GAS1: variants seen among roughly 807,000 people sequenced by gnomAD.
The protein encoded by GAS1 is growth arrest-specific protein 1.
Under a neutral mutation model 21.6 loss-of-function variants are expected in GAS1, and 10 were observed. The observed-to-expected ratio is 0.46, with a 90% confidence interval of 0.29 to 0.79. The LOEUF is 0.79. Ranked by LOEUF, GAS1 falls within the 30% of genes least tolerant of loss-of-function variation. The probability of loss-of-function intolerance (pLI) is 0.10; values close to 1 mark genes in which losing one functional copy is unlikely to be tolerated. For missense variants in GAS1, 567 were observed against 544.3 expected (o/e 1.04, Z -0.42); for synonymous variants, 332 against 264.0 (o/e 1.26, Z -2.50).
In GAS1 at chr9:86,946,132, C is replaced by A. The variant is rs778703916; in HGVS notation, c.648G>T (p.Ala216=). 6.2e-6 allele frequency: 10 copies of A among 1,609,154 alleles called. No homozygotes were observed. The Middle Eastern group carries it at 5.0e-4, about 80-fold the overall frequency. Residue 216 remains alanine, a synonymous_variant, in exon 1 of 1, where the codon GCG becomes GCT. Transcript: ENST00000298743. This position sits in a 1 kb window ranked among gnomAD's most constrained non-coding sequence, Gnocchi z 5.2. The part of the protein sequence containing the change: ...VIEDMLAMPK[A]ALLNDCVCDG... ...CGCACACGCAGTCGTTGAGCAGCGC[C>A]GCCTTGGGCATAGCCAGCATGTCCT... is the stretch of plus-strand genomic sequence containing the variant.
In GAS1 at chr9:86,944,400, A is replaced by C. The variant is rs943270312; in HGVS notation, c.*1342T>G. On this transcript the variant is annotated 3_prime_UTR_variant, in exon 1 of 1. Transcript: ENST00000298743. Reference sequence around the variant, plus strand: ...ACTCTTTACTGATGTACATGTTTTAATAAAACAAATAACCAAAAAAAATAC... The same window carrying C: ...ACTCTTTACTGATGTACATGTTTTACTAAAACAAATAACCAAAAAAAATAC... 1 of 152,200 alleles carries C rather than the reference A, an allele frequency of 6.6e-6. No individual in the cohort carries two copies. The highest frequency in any genetic ancestry group is 1.5e-5 in the Non-Finnish European group (1 of 68,034). The allele number at this position is 152,200 out of a possible 1,614,324, so 9.4% of individuals were successfully genotyped here. A position where few individuals can be genotyped will look rare whatever the true frequency, so the allele number is the denominator to read the frequency against.
chr9:86,945,671 G>C lies in GAS1; in HGVS notation c.*71C>G. On this transcript the variant is annotated 3_prime_UTR_variant, in exon 1 of 1. Coordinates refer to ENST00000298743, the MANE Select transcript of GAS1 (RefSeq NM_002048.3). ...TATCTGTCCCAAGCCACAGGTGCCC[G>C]GCGCGGGGTCGAGGCGAGCACGGGA... is the stretch of plus-strand genomic sequence containing the variant. 7.1e-7 allele frequency: 1 copy of C among 1,402,760 alleles called. No homozygotes were observed. Among genetic ancestry groups the C allele is most frequent in the Non-Finnish European group, 9.4e-7 (1 of 1,066,054 alleles). The allele number at this position is 1,402,760 out of a possible 1,614,324, so 86.9% of individuals were successfully genotyped here. A position where few individuals can be genotyped will look rare whatever the true frequency, so the allele number is the denominator to read the frequency against.
Position 86,946,027 on chromosome 9 carries a change from G to T in GAS1, c.753C>A (p.Gly251=). ...RLCFGAELGN[G]PGSSGSDGGL... The stretch of plus-strand genomic sequence containing the variant: ...CCCCGTCCGAGCCGCTGCTGCCGGG[G>T]CCGTTGCCCAGCTCGGCGCCGAAGC... The change falls in exon 1 of 1, where the codon GGC becomes GGA. Residue 251 remains glycine, a synonymous_variant. Transcript: ENST00000298743. The surrounding 1 kb of genome is among the most constrained non-coding windows in gnomAD (Gnocchi z 5.2). The T allele has an allele frequency of 6.2e-7, 1 of 1,608,138 alleles. No individual in the cohort carries two copies. The highest frequency in any genetic ancestry group is 8.5e-7 in the Non-Finnish European group (1 of 1,179,450).
rs1202404573 is a variant in GAS1 at position 86,946,143 on chromosome 9, T to G, written c.637A>C (p.Met213Leu). 1 of 1,608,982 alleles carries G rather than the reference T, an allele frequency of 6.2e-7. No homozygotes were observed. Among genetic ancestry groups the G allele is most frequent in the Non-Finnish European group, 8.5e-7 (1 of 1,179,662 alleles). ...TCGTTGAGCAGCGCCGCCTTGGGCA[T>G]AGCCAGCATGTCCTCAATGACGGTG... ...CRTVIEDMLA[M>L]PKAALLNDCV... is the part of the protein sequence containing the mutation. Residue 213 changes from methionine to leucine, a missense_variant, in exon 1 of 1, where the codon ATG becomes CTG. Met to Leu is a conservative substitution (Grantham distance 15, BLOSUM62 2). Coordinates refer to ENST00000298743, the MANE Select transcript of GAS1 (RefSeq NM_002048.3). This position sits in a 1 kb window ranked among gnomAD's most constrained non-coding sequence, Gnocchi z 5.2.
In GAS1 at chr9:86,947,383, T is replaced by G. The variant is rs1311080125; in HGVS notation, c.-604A>C. Among the ~76,000 whole-genome samples the G allele has an allele frequency of 6.6e-6, 1 of 151,364 alleles. No homozygotes were observed. The highest frequency in any genetic ancestry group is 1.5e-5 in the Non-Finnish European group (1 of 67,862). On this transcript the variant is annotated 5_prime_UTR_variant, in exon 1 of 1. Transcript: ENST00000298743. ...CGGCCTCCGCAGAGCTCCGGGGAGC[T>G]CTTTCCGGGAAGCGCGGGGAGAACA... is the stretch of plus-strand genomic sequence containing the variant.
At position 86,946,822 on chromosome 9, in the gene GAS1, G is replaced by A; in HGVS notation, c.-43C>T. The A allele has an allele frequency of 1.8e-6, 1 of 548,378 alleles. No homozygotes were observed. The highest frequency in any genetic ancestry group is 2.9e-6 in the Non-Finnish European group (1 of 341,956). 34.0% of individuals were successfully genotyped at this position (548,378 alleles called of 1,614,324 possible). ...GCCGGGAGAGGAGGGGAAAGGAGAC[G>A]AGGCGCGGGGAGCGGCGGACGCGGA... On this transcript the variant is annotated 5_prime_UTR_variant, in exon 1 of 1. Transcript: ENST00000298743. This position sits in a 1 kb window ranked among gnomAD's most constrained non-coding sequence, Gnocchi z 5.2.
Position 86,946,708 on chromosome 9 carries a change from C to G in GAS1, c.72G>C (p.Leu24=), listed in dbSNP as rs1392537561. The G allele has an allele frequency of 1.4e-6, 2 of 1,386,964 alleles. No homozygotes were observed. The highest frequency in any genetic ancestry group is 9.4e-7 in the Non-Finnish European group (1 of 1,064,412). 85.9% of individuals were successfully genotyped at this position (1,386,964 alleles called of 1,614,324 possible). A position where few individuals can be genotyped will look rare whatever the true frequency, so the allele number is the denominator to read the frequency against. The part of the protein sequence containing the change: ...GGTVPGAWLC[L]MALLQLLGSA... ...AGCCCAGCAGCTGCAGCAGCGCCAT[C>G]AGGCACAGCCAGGCGCCCGGCACTG... Residue 24 remains leucine (L), a synonymous_variant, in exon 1 of 1, where the codon CTG becomes CTC. Coordinates refer to ENST00000298743, the MANE Select transcript of GAS1 (RefSeq NM_002048.3). This position sits in a 1 kb window ranked among gnomAD's most constrained non-coding sequence, Gnocchi z 5.2.
chr9:86,946,987 C>T lies in GAS1; in HGVS notation c.-208G>A, dbSNP rs1017424762. On this transcript the variant is annotated 5_prime_UTR_variant, in exon 1 of 1. Transcript: ENST00000298743. This position sits in a 1 kb window ranked among gnomAD's most constrained non-coding sequence, Gnocchi z 5.2. ...GCTGCGGTGGCTTCCTGGAAATGAACAGCTGTCGAGATCTGGTCCCGCTCT... is the reference window on the plus strand; with the variant it reads ...GCTGCGGTGGCTTCCTGGAAATGAATAGCTGTCGAGATCTGGTCCCGCTCT... The T allele has an allele frequency of 5.0e-5, 16 of 322,076 alleles. No homozygotes were observed. The highest frequency in any genetic ancestry group is 3.6e-4 in the Admixed American group (7 of 19,608). 20.0% of individuals were successfully genotyped at this position (322,076 alleles called of 1,614,324 possible).
rs1825476290 is a variant in GAS1, at chr9:86,945,806, G to T, written c.974C>A (p.Ala325Glu). 1 of 1,501,718 alleles carries T rather than the reference G, an allele frequency of 6.7e-7. No homozygotes were observed. Among genetic ancestry groups the T allele is most frequent in the Non-Finnish European group, 8.9e-7 (1 of 1,124,646 alleles). 93.0% of individuals were successfully genotyped at this position (1,501,718 alleles called of 1,614,324 possible). A position where few individuals can be genotyped will look rare whatever the true frequency, so the allele number is the denominator to read the frequency against. Residue 325 changes from alanine (A) to glutamate (E), a missense_variant, in exon 1 of 1, where the codon GCG becomes GAG. Coordinates refer to ENST00000298743, the MANE Select transcript of GAS1 (RefSeq NM_002048.3). ...GAGTGGGGTCCAGGCGCCCCGGGGC[G>T]CCAAGCGGCCGCCGCCGCCGCTGCT... ...RRSSGGGGRL[A>E]PRGAWTPLAS...
chr9:86,946,267 C>G lies in GAS1; in HGVS notation c.513G>C (p.Arg171=). 1 of 1,552,612 alleles carries G rather than the reference C, an allele frequency of 6.4e-7. No individual in the cohort carries two copies. The highest frequency in any genetic ancestry group is 8.6e-7 in the Non-Finnish European group (1 of 1,156,304). ...TGCAGCGGCTGTCGCGGTCGCAGCGCCGCCGGGCCTCGGTGCAGCCCATGA... is the reference window on the plus strand; with the variant it reads ...TGCAGCGGCTGTCGCGGTCGCAGCGGCGCCGGGCCTCGGTGCAGCCCATGA... ...GGVMGCTEAR[R]RCDRDSRCNL... The change falls in exon 1 of 1, where the codon CGG becomes CGC. Residue 171 remains arginine, a synonymous_variant. Coordinates refer to ENST00000298743, the MANE Select transcript of GAS1 (RefSeq NM_002048.3). This position sits in a 1 kb window ranked among gnomAD's most constrained non-coding sequence, Gnocchi z 5.2.
rs184053229 is a variant in GAS1, at chr9:86,946,516, G to A, written c.264C>T (p.Ala88=). 0.021 allele frequency: 29,460 copies of A among 1,429,332 alleles called. 1,139 individuals are homozygous for A. The highest frequency in any genetic ancestry group is 0.18 in the Admixed American group (7,303 of 40,014). 88.5% of individuals were successfully genotyped at this position (1,429,332 alleles called of 1,614,324 possible). ...QHGGGDAPGA[A]AAAFPASAAS... ...CGGCCGAGGCCGGGAAAGCGGCGGC[G>A]GCGGCCCCGGGCGCGTCGCCCCCGC... Residue 88 remains alanine, a synonymous_variant, in exon 1 of 1, where the codon GCC becomes GCT. Transcript: ENST00000298743. The surrounding 1 kb of genome is among the most constrained non-coding windows in gnomAD (Gnocchi z 5.2).
In GAS1 at chr9:86,947,295, C is replaced by G. The variant is rs1180830233; in HGVS notation, c.-516G>C. 1 of 152,430 alleles carries G rather than the reference C, an allele frequency of 6.6e-6. No individual in the cohort carries two copies. Among genetic ancestry groups the G allele is most frequent in the Non-Finnish European group, 1.5e-5 (1 of 68,458 alleles). 9.4% of individuals were successfully genotyped at this position (152,430 alleles called of 1,614,324 possible). On this transcript the variant is annotated 5_prime_UTR_variant, in exon 1 of 1. Coordinates refer to ENST00000298743, the MANE Select transcript of GAS1 (RefSeq NM_002048.3). Reference sequence around the variant, plus strand: ...GCCGCTTCCTGGCCCGGCGTCCGCGCGCTGCCCGCCTTCCCGCGGCCCGGC... The same window carrying G: ...GCCGCTTCCTGGCCCGGCGTCCGCGGGCTGCCCGCCTTCCCGCGGCCCGGC...
chr9:86,945,959 C>T lies in GAS1; in HGVS notation c.821G>A (p.Arg274His), dbSNP rs777140389. 3.1e-6 allele frequency: 5 copies of T among 1,600,212 alleles called. No individual in the cohort carries two copies. Among genetic ancestry groups the T allele is most frequent in the Non-Finnish European group, 4.3e-6 (5 of 1,175,956 alleles). Reference sequence around the variant, plus strand: ...CTGCTCACCACCCGCGCCCCCGGTGCGCTGCTCGTCATCGTAGTCCTCATC... The same window carrying T: ...CTGCTCACCACCCGCGCCCCCGGTGTGCTGCTCGTCATCGTAGTCCTCATC... ...YYDEDYDDEQ[R>H]TGGAGGEQPL... The change falls in exon 1 of 1, where the codon CGC becomes CAC. Residue 274 changes from arginine to histidine, a missense_variant. Coordinates refer to ENST00000298743, the MANE Select transcript of GAS1 (RefSeq NM_002048.3).
chr9:86,947,379 G>GAGCTCTTTCCGGGA lies in GAS1; in HGVS notation c.-614_-601dup, dbSNP rs1230660562. Among the ~76,000 whole-genome samples, 1 of 151,864 alleles carries GAGCTCTTTCCGGGA rather than the reference G, an allele frequency of 6.6e-6. No individual in the cohort carries two copies. Among genetic ancestry groups the GAGCTCTTTCCGGGA allele is most frequent in the African/African-American group, 2.4e-5 (1 of 41,378 alleles). On this transcript the variant is annotated 5_prime_UTR_variant, in exon 1 of 1. Coordinates refer to ENST00000298743, the MANE Select transcript of GAS1 (RefSeq NM_002048.3). ...ACCCCGGCCTCCGCAGAGCTCCGGGGAGCTCTTTCCGGGAAGCGCGGGGAG... is the reference window on the plus strand; with the variant it reads ...ACCCCGGCCTCCGCAGAGCTCCGGGGAGCTCTTTCCGGGAAGCTCTTTCCGGGAAGCGCGGGGAG...
rs1336648218 is a variant in GAS1, at chr9:86,945,813, G to A, written c.967C>T (p.Arg323Cys). Residue 323 changes from arginine (R) to cysteine (C), a missense_variant, in exon 1 of 1, where the codon CGC (arginine) becomes TGC (cysteine). Transcript: ENST00000298743. Reference sequence around the variant, plus strand: ...GTCCAGGCGCCCCGGGGCGCCAAGCGGCCGCCGCCGCCGCTGCTCCTGCGC... The same window carrying A: ...GTCCAGGCGCCCCGGGGCGCCAAGCAGCCGCCGCCGCCGCTGCTCCTGCGC... Reference protein sequence around the residue: ...PGRRSSGGGGRLAPRGAWTPL... With the variant: ...PGRRSSGGGGCLAPRGAWTPL... The A allele has an allele frequency of 2.6e-6, 4 of 1,514,806 alleles. No homozygotes were observed. The highest frequency in any genetic ancestry group is 1.5e-5 in the African/African-American group (1 of 68,898). The allele number at this position is 1,514,806 out of a possible 1,614,324, so 93.8% of individuals were successfully genotyped here.
chr9:86,946,417 GC>G lies in GAS1; in HGVS notation c.362del (p.Arg121ProfsTer63). On this transcript the variant is annotated frameshift_variant, in exon 1 of 1. Transcript: ENST00000298743. LOFTEE classifies it high-confidence loss of function. This position sits in a 1 kb window ranked among gnomAD's most constrained non-coding sequence, Gnocchi z 5.2. Reference sequence around the variant, plus strand: ...AGTCACAGTCCTCCAGGGCGGGCCCGCGGCGCGTGTGGTTGAGCTGAATGAG... The same window carrying G: ...AGTCACAGTCCTCCAGGGCGGGCCCGGGCGCGTGTGGTTGAGCTGAATGAG... ...SALIQLNHTR[R>X]GPALEDCDCA... 1.3e-6 allele frequency: 2 copies of G among 1,491,786 alleles called. No individual in the cohort carries two copies. The highest frequency in any genetic ancestry group is 2.8e-5 in the East Asian group (1 of 36,330). 92.4% of individuals were successfully genotyped at this position (1,491,786 alleles called of 1,614,324 possible). A position where few individuals can be genotyped will look rare whatever the true frequency, so the allele number is the denominator to read the frequency against.
chr9:86,946,070 T>C lies in GAS1; in HGVS notation c.710A>G (p.Glu237Gly). 6.2e-7 allele frequency: 1 copy of C among 1,607,472 alleles called. No homozygotes were observed. The highest frequency in any genetic ancestry group is 8.5e-7 in the Non-Finnish European group (1 of 1,179,530). The stretch of plus-strand genomic sequence containing the variant: ...GCCGAAGCACAGGCGGGCCATGTTC[T>C]CCTTGACCGACTCGCAGATGGGCCG... Reference protein sequence around the residue: ...LERPICESVKENMARLCFGAE... With the variant: ...LERPICESVKGNMARLCFGAE... The change falls in exon 1 of 1, where the codon GAG (glutamate) becomes GGG (glycine). Residue 237 changes from glutamate to glycine, a missense_variant. Glu to Gly is a moderately conservative substitution (Grantham distance 98, BLOSUM62 -2). Transcript: ENST00000298743. This position sits in a 1 kb window ranked among gnomAD's most constrained non-coding sequence, Gnocchi z 5.2.
Position 86,946,539 on chromosome 9 carries a change from C to A in GAS1, c.241G>T (p.Gly81Trp), listed in dbSNP as rs1563989010. The A allele has an allele frequency of 2.1e-6, 3 of 1,395,898 alleles. No individual in the cohort carries two copies. The highest frequency in any genetic ancestry group is 6.3e-5 in the East Asian group (2 of 31,660). 86.5% of individuals were successfully genotyped at this position (1,395,898 alleles called of 1,614,324 possible). ...ACAPVLAQHG[G>W]GDAPGAAAAA... ...GCGGCGGCCCCGGGCGCGTCGCCCC[C>A]GCCGTGCTGCGCCAGCACCGGCGCG... is the stretch of plus-strand genomic sequence containing the variant. The change falls in exon 1 of 1, where the codon GGG (glycine) becomes TGG (tryptophan). Residue 81 changes from glycine (G) to tryptophan (W), a missense_variant. Physicochemically the swap from Gly to Trp is radical, Grantham distance 184. Coordinates refer to ENST00000298743, the MANE Select transcript of GAS1 (RefSeq NM_002048.3). This position sits in a 1 kb window ranked among gnomAD's most constrained non-coding sequence, Gnocchi z 5.2.
In GAS1 at chr9:86,944,508, C is replaced by T. The variant is rs1825452363; in HGVS notation, c.*1234G>A. The T allele has an allele frequency of 6.6e-6, 1 of 152,146 alleles. No individual in the cohort carries two copies. The highest frequency in any genetic ancestry group is 2.4e-5 in the African/African-American group (1 of 41,414). 9.4% of individuals were successfully genotyped at this position (152,146 alleles called of 1,614,324 possible). On this transcript the variant is annotated 3_prime_UTR_variant, in exon 1 of 1. Transcript: ENST00000298743. ...CAACGTTTAAGGCAGTTTGGAAATG[C>T]ATTTGTACATTTCTACAACGTCCAT...
Sources: allele counts gnomAD v4.1 joint callset (sites outside exome capture counted in the v4.1 genomes callset), GRCh38; gene constraint gnomAD v4.1.1; non-coding constraint Gnocchi (gnomAD v3.1); transcripts MANE v1.5; gene names NCBI Gene and HGNC (gene_info 2026-07-23, HGNC 2026-07-21).